TNS3: variants seen among roughly 807,000 people sequenced by gnomAD.
TNS3 encodes tensin-3.
TNS3 carries 45 observed loss-of-function variants against 140.9 expected under a neutral mutation model. The ratio of observed to expected loss-of-function variants is 0.32; its 90% confidence interval spans 0.25 to 0.41. The LOEUF (loss-of-function observed/expected upper bound fraction) is 0.41, where lower values mean the gene tolerates loss of function less well. Among genes scored for constraint, TNS3 ranks in the 10% least tolerant of loss-of-function variants. The pLI is 1.00. For missense variants in TNS3, 1,716 were observed against 1,906.7 expected (o/e 0.90, Z 1.86); for synonymous variants, 815 against 788.4 (o/e 1.03, Z -0.56).
At chr7:47,385,206 C>G (rs1236148627) in intron 16 of TNS3, among the ~76,000 whole-genome samples, 2 of 152,216 alleles carry the variant, frequency 1.3e-5, no homozygotes, top group African/African-American at 4.8e-5. Flanking sequence ...CCAGTCCCTG[C>G]CTGAACTGAG....
chr7:47,382,003 C>T (rs1389043609), intron 16 of TNS3, among the ~76,000 whole-genome samples: 1 of 152,156 alleles, frequency 6.6e-6, no homozygotes, highest in Non-Finnish European at 1.5e-5. Context: ...TCCTGAGCAC[C>T]GGGGTCTTTC....
At chr7:47,524,811 G>A (rs11770140) in intron 2 of TNS3, among the ~76,000 whole-genome samples, 86,257 of 92,922 alleles carry the variant, frequency 0.93, 39,918 homozygotes, top group East Asian at 0.99. Flanking sequence ...TCCGTCTCAA[G>A]AAAAAAAAAA....
At chr7:47,574,187 A>G (rs888449767) in intron 1 of TNS3, among the ~76,000 whole-genome samples, 1 of 152,230 alleles carries the variant, frequency 6.6e-6, no homozygotes, top group Admixed American at 6.5e-5. Flanking sequence ...ACCATTCTCC[A>G]GAAACAAAAT....
At chr7:47,501,666 G>A (rs1798231923) in intron 3 of TNS3, among the ~76,000 whole-genome samples, 1 of 152,112 alleles carries the variant, frequency 6.6e-6, no homozygotes, top group Non-Finnish European at 1.5e-5. Context: ...GGGTGAGAAG[G>A]TCCAAAACAG....
At chr7:47,473,095 G>A (rs931978419) in intron 4 of TNS3, among the ~76,000 whole-genome samples, 16 of 152,150 alleles carry the variant, frequency 1.1e-4, no homozygotes, top group African/African-American at 3.4e-4. Context: ...GTCCTCCACC[G>A]TGCCCTGCCA....
Position 47,430,107 on chromosome 7 carries a change from ATTTCT to A in TNS3, c.325-1736_325-1732del, listed in dbSNP as rs1200419811. 4.4e-4 allele frequency among the ~76,000 whole-genome samples: 56 copies of A among 128,012 alleles called. No individual in the cohort carries two copies. In the East Asian group the frequency reaches 5.5e-3, roughly 13 times the overall value. 84.0% of individuals were successfully genotyped at this position (128,012 alleles called of 152,430 possible). A position where few individuals can be genotyped will look rare whatever the true frequency, so the allele number is the denominator to read the frequency against. On this transcript the variant is annotated intron_variant, in intron 8 of 30. Coordinates refer to ENST00000311160, the MANE Select transcript of TNS3 (RefSeq NM_022748.12). The stretch of plus-strand genomic sequence containing the variant: ...CTATTTATGGATGTATAAAGCAAGT[ATTTCT>A]TTTCTTTTCTTTTCTTTTCTTTTTT...
At chr7:47,290,121 A>G (rs1314307848) in intron 27 of TNS3, among the ~76,000 whole-genome samples, 3 of 152,266 alleles carry the variant, frequency 2.0e-5, no homozygotes, top group African/African-American at 4.8e-5. Context: ...CAAAGGGAAT[A>G]CAACTGTGAA....
intron 17 of TNS3, 80 bp from the exon 18 acceptor site, chr7:47,346,436 T>C (rs911869021): frequency 6.5e-7 from 1 of 1,545,224 alleles, no homozygotes; most frequent in African/African-American, 1.4e-5. Context: ...TCTTGCCTGC[T>C]GCTTCTCAAA....
intron 20 of TNS3, among the ~76,000 whole-genome samples, chr7:47,324,868 A>C (rs1037687840): frequency 6.6e-6 from 1 of 152,252 alleles, no homozygotes; most frequent in African/African-American, 2.4e-5. Context: ...TAGTCTGCGC[A>C]TAACTGTATA....
At chr7:47,357,517 G>A (rs1243585635) in intron 17 of TNS3, among the ~76,000 whole-genome samples, 2 of 152,174 alleles carry the variant, frequency 1.3e-5, no homozygotes, top group African/African-American at 4.8e-5. Flanking sequence ...AACTGAAACA[G>A]GACTGATTGA....
chr7:47,429,098 C>T (rs181961494), intron 8 of TNS3, among the ~76,000 whole-genome samples: 24 of 152,356 alleles, frequency 1.6e-4, no homozygotes, highest in Admixed American at 1.4e-3. Flanking sequence ...GGAGCTACTT[C>T]TGCCCATTAC....
chr7:47,451,979 C>T (rs577436419), intron 4 of TNS3, among the ~76,000 whole-genome samples: 1 of 152,338 alleles, frequency 6.6e-6, no homozygotes, highest in Non-Finnish European at 1.5e-5. Flanking sequence ...TGGGAATTTA[C>T]TTGCCCTCTG....
intron 16 of TNS3, among the ~76,000 whole-genome samples, chr7:47,377,293 A>T (rs1449980214): frequency 2.6e-5 from 4 of 152,234 alleles, no homozygotes; most frequent in South Asian, 2.1e-4. Context: ...ACGAGTGCTC[A>T]TCTGCAGGCA....
chr7:47,287,306 T>C (rs993212381), intron 27 of TNS3, among the ~76,000 whole-genome samples: 1 of 152,162 alleles, frequency 6.6e-6, no homozygotes, highest in African/African-American at 2.4e-5. Context: ...AAAGGCATAA[T>C]GGCCTTAATA....
chr7:47,337,804 C>T (rs1460628781), intron 20 of TNS3, among the ~76,000 whole-genome samples: 1 of 152,240 alleles, frequency 6.6e-6, no homozygotes, highest in Non-Finnish European at 1.5e-5. Flanking sequence ...ACCTTCCCGA[C>T]CTCTTACTCC....
chr7:47,324,187 T>A (rs1787903463), intron 20 of TNS3, among the ~76,000 whole-genome samples: 1 of 152,256 alleles, frequency 6.6e-6, no homozygotes, highest in African/African-American at 2.4e-5. Flanking sequence ...TTGGTCAATT[T>A]ATCTGTCCTT....
chr7:47,433,459 C>T (rs187782246), intron 8 of TNS3, among the ~76,000 whole-genome samples: 3 of 152,208 alleles, frequency 2.0e-5, no homozygotes, highest in Non-Finnish European at 2.9e-5. Flanking sequence ...TCCAGAAAGC[C>T]GAAAGTTGCT....
chr7:47,572,097 A>C (rs1450692258), intron 1 of TNS3, among the ~76,000 whole-genome samples: 3 of 152,262 alleles, frequency 2.0e-5, no homozygotes, highest in African/African-American at 4.8e-5. Context: ...CTCCGCACAG[A>C]CAACCAGACA....
At chr7:47,349,499 A>C (rs1361884002) in intron 17 of TNS3, among the ~76,000 whole-genome samples, 2 of 152,250 alleles carry the variant, frequency 1.3e-5, no homozygotes, top group Non-Finnish European at 2.9e-5. Context: ...CTGCAAGCGC[A>C]GGAAGAATGG....
Sources: gnomAD v4.1 joint callset for allele counts (sites outside exome capture counted in the v4.1 genomes callset) on GRCh38, gnomAD v4.1.1 for gene constraint, MANE v1.5 for transcripts, NCBI Gene and HGNC (gene_info 2026-07-23, HGNC 2026-07-21) for gene names.